The following NXN variants were observed in gnomAD, a reference collection of about 807,000 sequenced individuals.
NXN encodes nucleoredoxin 1.
In NXN, 16 loss-of-function variants were observed where a neutral mutation model predicts 48.6. That is an observed-to-expected ratio of 0.33 (90% CI 0.22 to 0.50). The LOEUF is 0.50. Among genes scored for constraint, NXN ranks in the 20% least tolerant of loss-of-function variants. The pLI is 0.98. For synonymous variants in NXN, 281 were observed against 269.6 expected (o/e 1.04, Z -0.41); for missense variants, 492 against 605.5 (o/e 0.81, Z 1.97).
At chr17:950,017 C>T (rs182625139) in intron 1 of NXN, among the ~76,000 whole-genome samples, 1 of 152,222 alleles carries the variant, frequency 6.6e-6, no homozygotes, top group East Asian at 1.9e-4. Flanking sequence ...TGAAGACAGC[C>T]TGATGCTTAA....
intron 1 of NXN, among the ~76,000 whole-genome samples, chr17:856,292 C>T (rs1346275268): frequency 6.6e-6 from 1 of 152,048 alleles, no homozygotes; most frequent in African/African-American, 2.4e-5. Flanking sequence ...TAAGAGGAGA[C>T]GGACATTCTA....
chr17:890,910 T>C (rs2068409511), intron 1 of NXN, among the ~76,000 whole-genome samples: 2 of 152,198 alleles, frequency 1.3e-5, no homozygotes, highest in Non-Finnish European at 2.9e-5. Flanking sequence ...CAATGAGGTC[T>C]GTGAGGCTGA....
intron 1 of NXN, among the ~76,000 whole-genome samples, chr17:967,378 G>A (rs950764145): frequency 5.9e-5 from 9 of 152,326 alleles, no homozygotes; most frequent in Non-Finnish European, 8.8e-5. Context: ...CAGGCGGGGC[G>A]GGGAGATGGG....
chr17:947,271 T>C (rs1014596657), intron 1 of NXN, among the ~76,000 whole-genome samples: 2 of 152,180 alleles, frequency 1.3e-5, no homozygotes, highest in Non-Finnish European at 2.9e-5. Flanking sequence ...CAGGTGCTGA[T>C]GTGAGATGGA....
intron 1 of NXN, among the ~76,000 whole-genome samples, chr17:876,249 G>GAAGAAAAGAA (rs572383467): frequency 0.03 from 4,573 of 150,138 alleles, 181 homozygotes; most frequent in East Asian, 0.22. Flanking sequence ...GAAGAGAAGA[G>GAAGAAAAGAA]AAGAAAAGAA....
chr17:904,900 A>G (rs2068569273), intron 1 of NXN, among the ~76,000 whole-genome samples: 1 of 152,116 alleles, frequency 6.6e-6, no homozygotes, highest in Admixed American at 6.6e-5. Context: ...CCTCACCCTT[A>G]GAGAAGCAGA....
intron 1 of NXN, among the ~76,000 whole-genome samples, chr17:841,420 C>CGAGCAGGTCCCCCCGACCATGGA (rs1567827413): frequency 1.2e-4 from 4 of 33,540 alleles, no homozygotes; most frequent in Non-Finnish European, 3.1e-4. Flanking sequence ...CTGACCACGG[C>CGAGCAGGTCCCCCCGACCATGGA]GCATCTCACA....
intron 1 of NXN, among the ~76,000 whole-genome samples, chr17:841,691 A>AGGTCCACCCTGACCACGGCG (rs1567828246): frequency 1.5e-5 from 1 of 67,702 alleles, no homozygotes; most frequent in African/African-American, 6.1e-5. Flanking sequence ...TGACCATGGC[A>AGGTCCACCCTGACCACGGCG]CATCTCACGC....
chr17:841,602 C>G (rs1914288245), intron 1 of NXN, among the ~76,000 whole-genome samples: 1 of 134,680 alleles, frequency 7.4e-6, no homozygotes, highest in Non-Finnish European at 1.6e-5. Flanking sequence ...GCAGGTCCCC[C>G]CGACCACAGA....
rs1455902242 is a variant in NXN at position 979,110 on chromosome 17, G to C, written c.360+209C>G. On this transcript the variant is annotated intron_variant, in intron 1 of 7. Transcript: ENST00000336868. ...TGAGGGTGCGGGCACAGCGCGGAAG[G>C]GGGGGGGGCAGAGGCGGGGACGGCG... is the stretch of plus-strand genomic sequence containing the variant. Among the ~76,000 whole-genome samples the C allele has an allele frequency of 1.4e-4, 3 of 21,170 alleles. No homozygotes were observed. The East Asian group carries it at 1.9e-3, about 13-fold the overall frequency. The allele number at this position is 21,170 out of a possible 152,430, so 13.9% of individuals were successfully genotyped here.
intron 1 of NXN, among the ~76,000 whole-genome samples, chr17:946,474 G>A (rs2069045371): frequency 6.6e-6 from 1 of 152,182 alleles, no homozygotes; most frequent in African/African-American, 2.4e-5. Flanking sequence ...GCCAAAGGCT[G>A]TCTCTTCTAA....
In NXN at chr17:825,808, T is replaced by C. The variant is rs1913068547; in HGVS notation, c.478+153A>G. The C allele has an allele frequency of 1.6e-6, 1 of 612,546 alleles. No homozygotes were observed. The highest frequency in any genetic ancestry group is 2.9e-6 in the Non-Finnish European group (1 of 339,164). 37.9% of individuals were successfully genotyped at this position (612,546 alleles called of 1,614,324 possible). A position where few individuals can be genotyped will look rare whatever the true frequency, so the allele number is the denominator to read the frequency against. On this transcript the variant is annotated intron_variant, in intron 2 of 7. Transcript: ENST00000336868. The surrounding 1 kb of genome is among the most constrained non-coding windows in gnomAD (Gnocchi z 4.1). Reference sequence around the variant, plus strand: ...TAAAACCATGTCCTAGGGAATACTATGATTTCACCAAGACGACATTCTCTA... The same window carrying C: ...TAAAACCATGTCCTAGGGAATACTACGATTTCACCAAGACGACATTCTCTA...
chr17:822,717 T>C (rs1329231761), intron 3 of NXN, among the ~76,000 whole-genome samples: 1 of 152,122 alleles, frequency 6.6e-6, no homozygotes, highest in Non-Finnish European at 1.5e-5. Flanking sequence ...TAAACTTGCC[T>C]CTCTTAATGG....
chr17:940,134 G>A (rs557588169), intron 1 of NXN, among the ~76,000 whole-genome samples: 1 of 102,488 alleles, frequency 9.8e-6, no homozygotes, highest in South Asian at 3.5e-4. Flanking sequence ...AGATCGAGGT[G>A]GGGGGGTCTC....
intron 1 of NXN, among the ~76,000 whole-genome samples, chr17:944,418 G>A (rs750544599): frequency 2.0e-5 from 3 of 152,084 alleles, no homozygotes; most frequent in African/African-American, 4.8e-5. Flanking sequence ...CCGTACCCCC[G>A]TCCGAGGACT....
intron 1 of NXN, chr17:933,348 GA>G (rs1233620352): frequency 6.6e-6 from 1 of 152,250 alleles, no homozygotes; most frequent in Non-Finnish European, 1.5e-5. Flanking sequence ...TGCTCACAGA[GA>G]AAGCACTCGA....
Position 825,980 on chromosome 17 carries a change from C to T in NXN, c.459G>A (p.Val153=), listed in dbSNP as rs1482337068. ...TTTTACCTTCTGGGTCATCTCGGAT[C>T]ACCAGCAGCCCGTTCCTGCACACAA... ...GKVVCRNGLL[V]IRDDPEGLEF... is the part of the protein sequence containing the mutation. The change falls in exon 2 of 8, where the codon GTG becomes GTA. Residue 153 remains valine (V), a synonymous_variant. Coordinates refer to ENST00000336868, the MANE Select transcript of NXN (RefSeq NM_022463.5). The surrounding 1 kb of genome is among the most constrained non-coding windows in gnomAD (Gnocchi z 4.1). 1.2e-6 allele frequency: 2 copies of T among 1,611,780 alleles called. No homozygotes were observed. The highest frequency in any genetic ancestry group is 1.3e-5 in the African/African-American group (1 of 74,978).
At chr17:877,875 C>A (rs115471754) in intron 1 of NXN, 3,864 of 152,400 alleles carry the variant, frequency 0.025, 73 homozygotes, top group African/African-American at 0.043. Context: ...CAGAGCTCAG[C>A]ACACGTTTTT....
chr17:852,017 T>C (rs947065954), intron 1 of NXN, among the ~76,000 whole-genome samples: 25 of 152,166 alleles, frequency 1.6e-4, no homozygotes, highest in African/African-American at 5.8e-4. Flanking sequence ...GTAGCTCAAT[T>C]AGGGGCGCCA....
Sources: gnomAD v4.1 joint callset for allele counts (sites outside exome capture counted in the v4.1 genomes callset) on GRCh38, gnomAD v4.1.1 for gene constraint, Gnocchi (gnomAD v3.1) non-coding constraint, MANE v1.5 for transcripts, NCBI Gene and HGNC (gene_info 2026-07-23, HGNC 2026-07-21) for gene names.